THSD4: variants seen among roughly 807,000 people sequenced by gnomAD.
The protein encoded by THSD4 is thrombospondin type-1 domain-containing protein 4.
A neutral mutation model predicts 119.0 loss-of-function variants in THSD4; 69 were observed. The ratio of observed to expected loss-of-function variants is 0.58; its 90% CI spans 0.48 to 0.71. THSD4 has a LOEUF of 0.71. Ranked by LOEUF, THSD4 falls within the 30% of genes least tolerant of loss-of-function variation. THSD4 has a pLI of 0.00. For synonymous variants in THSD4, 524 were observed against 540.4 expected, an observed-to-expected ratio of 0.97 and a Z score of 0.42; for missense variants, 1,393 against 1,391.1, an observed-to-expected ratio of 1.00 and a Z score of -0.02.
chr15:71,402,228 T>TA (rs1473793381), intron 6 of THSD4, among the ~76,000 whole-genome samples: 5 of 145,102 alleles, frequency 3.4e-5, no homozygotes, highest in Non-Finnish European at 7.6e-5. Flanking sequence ...AGTATAATAA[T>TA]TAAAAAAAAA....
At chr15:71,466,447 C>T (rs548188204) in intron 7 of THSD4, among the ~76,000 whole-genome samples, 1 of 152,244 alleles carries the variant, frequency 6.6e-6, no homozygotes, top group Non-Finnish European at 1.5e-5. Flanking sequence ...CCCCAGCATC[C>T]CCCAGCTCCA....
chr15:71,210,304 T>C (rs536088185), intron 3 of THSD4, among the ~76,000 whole-genome samples: 13 of 152,298 alleles, frequency 8.5e-5, no homozygotes, highest in African/African-American at 2.4e-4. Flanking sequence ...TGAGGATTAA[T>C]TAGATAATAT....
At chr15:71,685,640 A>T (rs1271970315) in intron 8 of THSD4, among the ~76,000 whole-genome samples, 1 of 152,152 alleles carries the variant, frequency 6.6e-6, no homozygotes, top group Non-Finnish European at 1.5e-5. Flanking sequence ...ATATGAAGAA[A>T]ATCTGGTTTC....
intron 3 of THSD4, among the ~76,000 whole-genome samples, chr15:71,193,928 A>G (rs613767): frequency 0.9 from 136,870 of 151,986 alleles, 61,745 homozygotes; most frequent in Admixed American, 0.93. Flanking sequence ...AGCCAGGATG[A>G]TCTCGATCTC....
At chr15:71,344,301 C>G (rs552223361) in intron 6 of THSD4, among the ~76,000 whole-genome samples, 4 of 151,854 alleles carry the variant, frequency 2.6e-5, no homozygotes, top group Admixed American at 2.6e-4. Context: ...CCTCGGCCCC[C>G]CAAAGTACTG....
At chr15:71,408,886 A>C (rs1275135390) in intron 6 of THSD4, among the ~76,000 whole-genome samples, 1 of 152,166 alleles carries the variant, frequency 6.6e-6, no homozygotes, top group Non-Finnish European at 1.5e-5. Context: ...GTGGGTAGGA[A>C]GTCTATGCAG....
At chr15:71,309,071 TC>T (rs928283807) in intron 6 of THSD4, among the ~76,000 whole-genome samples, 1 of 152,196 alleles carries the variant, frequency 6.6e-6, no homozygotes, top group Admixed American at 6.5e-5. Context: ...CACTTCAGCC[TC>T]CCGAGTAGCT....
intron 7 of THSD4, among the ~76,000 whole-genome samples, chr15:71,459,160 C>CTTTTTTTTTTTTTTTTTTTTTT (rs372209662): frequency 1.0e-4 from 13 of 128,882 alleles, no homozygotes; most frequent in African/African-American, 2.9e-4. Flanking sequence ...TTCTTTTTTT[C>CTTTTTTTTTTTTTTTTTTTTTT]TTTTTTTTTT....
At chr15:71,141,384 C>A in intron 1 of THSD4, 65 bp from the exon 2 acceptor site, 1 of 850,464 alleles carries the variant, frequency 1.2e-6, no homozygotes, top group Non-Finnish European at 1.7e-6. Flanking sequence ...TTTTGTTGAC[C>A]GAGTTACGCT....
intron 7 of THSD4, among the ~76,000 whole-genome samples, chr15:71,457,129 C>T (rs2047350775): frequency 6.6e-6 from 1 of 152,088 alleles, no homozygotes; most frequent in African/African-American, 2.4e-5. Context: ...ACCTGCAATC[C>T]CAGCAATTTG....
chr15:71,313,674 G>A (rs902916468), intron 6 of THSD4, among the ~76,000 whole-genome samples: 6 of 152,096 alleles, frequency 3.9e-5, no homozygotes, highest in African/African-American at 9.7e-5. Context: ...GACTCTTTTC[G>A]TAAAAGTGTT....
intron 7 of THSD4, among the ~76,000 whole-genome samples, chr15:71,623,821 G>T (rs182889236): frequency 5.3e-4 from 81 of 151,890 alleles, no homozygotes; most frequent in African/African-American, 1.8e-3. Context: ...TACCTAGGAG[G>T]CTGAGGCAGG....
At chr15:71,486,288 C>A (rs1337958248) in intron 7 of THSD4, among the ~76,000 whole-genome samples, 1 of 152,118 alleles carries the variant, frequency 6.6e-6, no homozygotes, top group Non-Finnish European at 1.5e-5. Context: ...TAGTTTCTCC[C>A]CCTTTGCTAG....
intron 3 of THSD4, among the ~76,000 whole-genome samples, chr15:71,181,129 T>C (rs1173691364): frequency 6.6e-6 from 1 of 152,154 alleles, no homozygotes; most frequent in Non-Finnish European, 1.5e-5. Context: ...CCCTACAGAA[T>C]TGGAAGCTGA....
intron 7 of THSD4, among the ~76,000 whole-genome samples, chr15:71,565,027 A>G (rs2049207966): frequency 6.6e-6 from 1 of 152,134 alleles, no homozygotes; most frequent in Non-Finnish European, 1.5e-5. Context: ...CAAACTTACA[A>G]AGAGAACAAA....
At chr15:71,701,598 T>A (rs149489623) in intron 8 of THSD4, among the ~76,000 whole-genome samples, 1 of 152,314 alleles carries the variant, frequency 6.6e-6, no homozygotes, top group African/African-American at 2.4e-5. Context: ...TGAAACACTC[T>A]TTAGCCATTA....
intron 1 of THSD4, among the ~76,000 whole-genome samples, chr15:71,100,101 C>G (rs1436182666): frequency 6.6e-6 from 1 of 152,192 alleles, no homozygotes; most frequent in Non-Finnish European, 1.5e-5. Context: ...ACTGGTAGGT[C>G]TGTTGGACAG....
intron 10 of THSD4, chr15:71,731,469 C>G: frequency 2.1e-6 from 1 of 487,328 alleles, no homozygotes; most frequent in Non-Finnish European, 3.8e-6. Flanking sequence ...GCCAGTTCAA[C>G]ATTTGAAATG....
At chr15:71,207,605 G>A (rs780679654) in intron 3 of THSD4, among the ~76,000 whole-genome samples, 2 of 152,322 alleles carry the variant, frequency 1.3e-5, no homozygotes, top group East Asian at 3.9e-4. Flanking sequence ...GAACCCAGCC[G>A]CACAGCAGGA....
Sources: allele counts gnomAD v4.1 joint callset (sites outside exome capture counted in the v4.1 genomes callset), GRCh38; gene constraint gnomAD v4.1.1; transcripts MANE v1.5; gene names NCBI Gene and HGNC (gene_info 2026-07-23, HGNC 2026-07-21).